Variants in CD2AP observed in about 807,000 individuals in gnomAD.
CD2AP encodes CD2-associated protein.
Under a neutral mutation model 85.1 loss-of-function variants are expected in CD2AP, and 46 were observed. The ratio of observed to expected loss-of-function variants is 0.54; its 90% CI spans 0.43 to 0.69. The LOEUF is 0.69. Ranked by LOEUF, CD2AP falls within the 30% of genes least tolerant of loss-of-function variation. CD2AP has a pLI of 0.00. For synonymous variants in CD2AP, 255 were observed against 252.9 expected (o/e 1.01, Z -0.08); for missense variants, 769 against 729.5 (o/e 1.05, Z -0.62).
chr6:47,611,884 CAT>C (rs1284584247), intron 16 of CD2AP, among the ~76,000 whole-genome samples: 3 of 151,796 alleles, frequency 2.0e-5, no homozygotes. Context: ...TGTGAAAAGA[CAT>C]AATATTGAAT....
chr6:47,598,334 C>T (rs891331099), intron 12 of CD2AP, among the ~76,000 whole-genome samples: 11 of 151,188 alleles, frequency 7.3e-5, no homozygotes, highest in Admixed American at 7.3e-4. Flanking sequence ...CTATGGAAAG[C>T]AGTGTGGAGA....
chr6:47,540,991 TC>T (rs1767198699), intron 3 of CD2AP, among the ~76,000 whole-genome samples: 2 of 152,216 alleles, frequency 1.3e-5, no homozygotes, highest in African/African-American at 4.8e-5. Context: ...TGAGAAGTTT[TC>T]CTATAGCACG....
At position 47,533,643 on chromosome 6, in the gene CD2AP, C is replaced by T; in HGVS notation, c.207C>T (p.Pro69=). The change falls in exon 3 of 18, where the codon CCC becomes CCT. Residue 69 remains proline, a synonymous_variant. Transcript: ENST00000359314. The stretch of plus-strand genomic sequence containing the variant: ...CGGAATTCAAGGATGACAGTTTGCC[C>T]ATCAAACGGGAAAGGCATGGGAATG... ...RETEFKDDSL[P]IKRERHGNVA... The T allele has an allele frequency of 6.2e-7, 1 of 1,613,930 alleles. No homozygotes were observed. Among genetic ancestry groups the T allele is most frequent in the Non-Finnish European group, 8.5e-7 (1 of 1,179,942 alleles).
chr6:47,536,904 A>G (rs1206673305), intron 3 of CD2AP, among the ~76,000 whole-genome samples: 2 of 152,202 alleles, frequency 1.3e-5, no homozygotes, highest in African/African-American at 4.8e-5. Context: ...TCAGCGTGGA[A>G]TATTGGTAGA....
chr6:47,606,101 A>T (rs1056390719), intron 13 of CD2AP, 64 bp from the exon 14 acceptor site: 3 of 887,584 alleles, frequency 3.4e-6, no homozygotes, highest in African/African-American at 3.4e-5. Context: ...AAACTGAAAC[A>T]TTATTTTTTA....
chr6:47,549,856 A>G (rs1051707964), intron 4 of CD2AP, among the ~76,000 whole-genome samples: 1 of 152,208 alleles, frequency 6.6e-6, no homozygotes, highest in Non-Finnish European at 1.5e-5. Flanking sequence ...TGGTATAAAA[A>G]TAGGCATATT....
chr6:47,535,014 C>T (rs1391616597), intron 3 of CD2AP, among the ~76,000 whole-genome samples: 1 of 152,092 alleles, frequency 6.6e-6, no homozygotes, highest in South Asian at 2.1e-4. Flanking sequence ...CTGAGCTGTT[C>T]TTGAACTCCC....
intron 4 of CD2AP, among the ~76,000 whole-genome samples, chr6:47,546,732 G>GGGCACATC (rs1767374437): frequency 6.6e-6 from 1 of 152,176 alleles, no homozygotes; most frequent in Non-Finnish European, 1.5e-5. Flanking sequence ...TTGTCATCAG[G>GGGCACATC]TTATCTAAAG....
intron 12 of CD2AP, among the ~76,000 whole-genome samples, chr6:47,597,779 A>T (rs1768990462): frequency 7.9e-6 from 1 of 126,912 alleles, no homozygotes; most frequent in Non-Finnish European, 1.9e-5. Context: ...GTAAGAAGGC[A>T]GGTACTGGTG....
intron 1 of CD2AP, among the ~76,000 whole-genome samples, chr6:47,495,251 G>C (rs1171005044): frequency 6.6e-6 from 1 of 152,140 alleles, no homozygotes; most frequent in Non-Finnish European, 1.5e-5. Context: ...TGGTGTCCTT[G>C]GAAAAGAGTA....
intron 2 of CD2AP, among the ~76,000 whole-genome samples, chr6:47,504,197 T>C (rs1472874653): frequency 6.6e-6 from 1 of 152,214 alleles, no homozygotes; most frequent in African/African-American, 2.4e-5. Context: ...AATTGTCTTG[T>C]TTTCTGTGTA....
In CD2AP at chr6:47,574,211, G is replaced by T; in HGVS notation, c.689G>T (p.Arg230Ile). The T allele has an allele frequency of 6.2e-7, 1 of 1,613,980 alleles. No individual in the cohort carries two copies. The highest frequency in any genetic ancestry group is 1.3e-5 in the African/African-American group (1 of 75,020). The change falls in exon 6 of 18, where the codon AGA becomes ATA. Residue 230 changes from arginine to isoleucine, a missense_variant. Coordinates refer to ENST00000359314, the MANE Select transcript of CD2AP (RefSeq NM_012120.3). ...GAAGGCTCTGTGAAACTTCGGACAA[G>T]AACATCCAGTAGTGAAACAGAAGAG... ...FKEGSVKLRT[R>I]TSSSETEEKK...
At chr6:47,537,796 A>AT (rs777466357) in intron 3 of CD2AP, among the ~76,000 whole-genome samples, 228 of 145,296 alleles carry the variant, frequency 1.6e-3, no homozygotes, top group Non-Finnish European at 1.9e-3. Flanking sequence ...AAGGATGAGA[A>AT]TTTTTTTTTT....
intron 11 of CD2AP, among the ~76,000 whole-genome samples, chr6:47,595,218 T>C (rs563844935): frequency 6.6e-6 from 1 of 152,110 alleles, no homozygotes; most frequent in African/African-American, 2.4e-5. Flanking sequence ...TTGTCAAAAT[T>C]GTTTTTTTCC....
chr6:47,502,030 A>G (rs931238248), intron 1 of CD2AP, among the ~76,000 whole-genome samples: 2 of 152,176 alleles, frequency 1.3e-5, no homozygotes, highest in African/African-American at 4.8e-5. Flanking sequence ...GATGGTGGCC[A>G]GGGTTGGGTT....
At chr6:47,566,326 A>G (rs1001695947) in intron 5 of CD2AP, among the ~76,000 whole-genome samples, 2 of 138,498 alleles carry the variant, frequency 1.4e-5, no homozygotes, top group African/African-American at 5.1e-5. Context: ...ATATATATAC[A>G]CATACACATA....
intron 1 of CD2AP, among the ~76,000 whole-genome samples, chr6:47,482,473 G>A (rs1765470034): frequency 6.6e-6 from 1 of 151,348 alleles, no homozygotes; most frequent in Non-Finnish European, 1.5e-5. Flanking sequence ...CCGCCTCCCG[G>A]GTTCAAGCAA....
intron 2 of CD2AP, among the ~76,000 whole-genome samples, chr6:47,528,927 A>G (rs189079822): frequency 6.6e-6 from 1 of 151,958 alleles, no homozygotes; most frequent in East Asian, 1.9e-4. Context: ...TTTTGCAAAT[A>G]TTTTCTCCCA....
In CD2AP at chr6:47,533,095, CAT is replaced by C. The variant is rs557497208; in HGVS notation, c.166-503_166-502del. Reference sequence around the variant, plus strand: ...GGAAAAAATCAAAAGGATAATATGACATATAAAATTATTTGAAATTAGAATTT... The same window carrying C: ...GGAAAAAATCAAAAGGATAATATGACATAAAATTATTTGAAATTAGAATTT... On this transcript the variant is annotated intron_variant, in intron 2 of 17. Coordinates refer to ENST00000359314, the MANE Select transcript of CD2AP (RefSeq NM_012120.3). 2.6e-5 allele frequency among the ~76,000 whole-genome samples: 4 copies of C among 152,168 alleles called. No homozygotes were observed. In the South Asian group the frequency reaches 6.2e-4, roughly 24 times the overall value.
Sources: gnomAD v4.1 joint callset for allele counts (sites outside exome capture counted in the v4.1 genomes callset) on GRCh38, gnomAD v4.1.1 for gene constraint, MANE v1.5 for transcripts, NCBI Gene and HGNC (gene_info 2026-07-23, HGNC 2026-07-21) for gene names.